Variants in TMC3 observed in about 807,000 individuals in gnomAD.
The protein encoded by TMC3 is transmembrane channel like 3.
TMC3 carries 98 observed loss-of-function variants against 110.6 expected under a neutral mutation model. The ratio of observed to expected loss-of-function variants is 0.89; its 90% CI spans 0.75 to 1.05. The LOEUF (loss-of-function observed/expected upper bound fraction) is 1.05. TMC3 is among the 50% of genes least tolerant of loss of function. The pLI is 0.00. For synonymous variants in TMC3, 489 were observed against 513.1 expected (o/e 0.95, Z 0.63); for missense variants, 1,319 against 1,373.2 (o/e 0.96, Z 0.62).
At position 81,341,456 on chromosome 15, in the gene TMC3, A is replaced by G. The variant is rs571509993; in HGVS notation, c.1778T>C (p.Met593Thr). ...AFNVLKLIGL[M>T]YLRSWAVLTC... The stretch of plus-strand genomic sequence containing the variant: ...CAGCACAGCCCAGCTTCTCAGGTAC[A>G]TGAGCCCAATGAGTTTGAGAACGTT... The change falls in exon 16 of 22, where the codon ATG (methionine) becomes ACG (threonine). Residue 593 changes from methionine (M) to threonine (T), a missense_variant. Transcript: ENST00000359440. 9.9e-6 allele frequency: 16 copies of G among 1,611,592 alleles called. No individual in the cohort carries two copies. Among genetic ancestry groups the G allele is most frequent in the South Asian group, 6.6e-5 (6 of 90,424 alleles).
chr15:81,372,604 G>T lies in TMC3; in HGVS notation c.223C>A (p.Leu75Met). 1.2e-6 allele frequency: 2 copies of T among 1,613,530 alleles called. No individual in the cohort carries two copies. The highest frequency in any genetic ancestry group is 8.5e-7 in the Non-Finnish European group (1 of 1,179,876). The change falls in exon 2 of 22, where the codon CTG (leucine) becomes ATG (methionine). Residue 75 changes from leucine to methionine, a missense_variant. By Grantham distance (15) the Leu-to-Met change is conservative (BLOSUM62 2). Coordinates refer to ENST00000359440, the MANE Select transcript of TMC3 (RefSeq NM_001080532.3). ...TGAGGCCCTTACCTCAATGCCCTCA[G>T]CTTCTGTCCCATAGTCCAGGGTCTG... ...RCRPWTMGQKLRALRQAKNIV... is the reference protein window; with the variant it reads ...RCRPWTMGQKMRALRQAKNIV...
At chr15:81,366,002 TATC>T (rs1304206873) in intron 3 of TMC3, among the ~76,000 whole-genome samples, 2 of 152,252 alleles carry the variant, frequency 1.3e-5, no homozygotes, top group Non-Finnish European at 2.9e-5. Flanking sequence ...TGTATACATT[TATC>T]ATTATACATG....
Position 81,332,943 on chromosome 15 carries a change from G to A in TMC3, c.2779C>T (p.Gln927Ter), listed in dbSNP as rs1893502499. 6.2e-7 allele frequency: 1 copy of A among 1,612,446 alleles called. No homozygotes were observed. The highest frequency in any genetic ancestry group is 1.3e-5 in the African/African-American group (1 of 74,912). ...IVELYPRNVR[Q>*]YASRVPRQPP... The stretch of plus-strand genomic sequence containing the variant: ...TGGCGGGGGACCCGGGATGCATATT[G>A]TCGCACGTTCCTGGGGTACAGCTCC... Residue 927 changes from glutamine (Q) to a stop codon, truncating the protein, a stop_gained, in exon 22 of 22, where the codon CAA (glutamine) becomes TAA (stop). Transcript: ENST00000359440. LOFTEE classifies it low-confidence loss of function (END_TRUNC).
At chr15:81,362,546 T>G (rs1268945245) in intron 3 of TMC3, among the ~76,000 whole-genome samples, 1 of 152,096 alleles carries the variant, frequency 6.6e-6, no homozygotes, top group East Asian at 1.9e-4. Context: ...AATATGCACC[T>G]CAATACAGAC....
Position 81,373,729 on chromosome 15 carries a change from C to A in TMC3, c.89+260G>T, listed in dbSNP as rs149758700. On this transcript the variant is annotated intron_variant, in intron 1 of 21. Transcript: ENST00000359440. The stretch of plus-strand genomic sequence containing the variant: ...AGGGAAACATATCTGTGGGTTTGGC[C>A]AGCCATAAAGCCAGGTTGGGATGCA... Among the ~76,000 whole-genome samples, 209 of 152,218 alleles carry A rather than the reference C, an allele frequency of 1.4e-3. 4 individuals carry two copies. The East Asian group carries it at 0.03, about 22-fold the overall frequency.
rs1441725534 is a variant in TMC3, at chr15:81,332,611, G to C, written c.3111C>G (p.Ser1037=). 6.2e-7 allele frequency: 1 copy of C among 1,614,004 alleles called. No homozygotes were observed. The highest frequency in any genetic ancestry group is 8.5e-7 in the Non-Finnish European group (1 of 1,179,896). Residue 1037 remains serine, a synonymous_variant, in exon 22 of 22, where the codon TCC becomes TCG. Coordinates refer to ENST00000359440, the MANE Select transcript of TMC3 (RefSeq NM_001080532.3). ...CCGACACGGAGTCAGATTCCGTGAGGGATGGCTCGAACCTGGGCTTCCCTC... is the reference window on the plus strand; with the variant it reads ...CCGACACGGAGTCAGATTCCGTGAGCGATGGCTCGAACCTGGGCTTCCCTC... ...KPRGKPRFEP[S]LTESDSVSAA...
rs376468406 is a variant in TMC3, at chr15:81,332,419, C to T, written c.3303G>A (p.Ter1101=). The T allele has an allele frequency of 2.5e-6, 4 of 1,597,780 alleles. No homozygotes were observed. Among genetic ancestry groups the T allele is most frequent in the Non-Finnish European group, 3.4e-6 (4 of 1,170,246 alleles). ...CTAGGAACGGGACACTGGAGGAAGC[C>T]TAGACATCTGAACAAATCAAGTCAT... is the stretch of plus-strand genomic sequence containing the variant. ...DLDDLICSDV[*] The change falls in exon 22 of 22, where the codon TAG becomes TAA. Residue 1101 remains the stop codon, a stop_retained_variant. Coordinates refer to ENST00000359440, the MANE Select transcript of TMC3 (RefSeq NM_001080532.3).
At chr15:81,368,919 A>C (rs35157319) in intron 2 of TMC3, among the ~76,000 whole-genome samples, 65,003 of 151,808 alleles carry the variant, frequency 0.43, 15,882 homozygotes, top group African/African-American at 0.66. Flanking sequence ...GACTAAATAT[A>C]ATTGGGATAG....
rs1894138689 is a variant in TMC3, at chr15:81,359,415, T to C, written c.451A>G (p.Ile151Val). 1 of 1,606,292 alleles carries C rather than the reference T, an allele frequency of 6.2e-7. No homozygotes were observed. The highest frequency in any genetic ancestry group is 8.5e-7 in the Non-Finnish European group (1 of 1,177,396). Residue 151 changes from isoleucine to valine, a missense_variant, in exon 5 of 22, where the codon ATT (isoleucine) becomes GTT (valine). Transcript: ENST00000359440. ...YFIFLRWLFG[I>V]NIVLTIMTGA... The stretch of plus-strand genomic sequence containing the variant: ...GTCATAATGGTGAGCACAATATTAA[T>C]TCCAAATAACCATCTCAAGAATATG...
rs201212145 is a variant in TMC3, at chr15:81,358,218, C to T, written c.674G>A (p.Arg225Gln). Residue 225 changes from arginine to glutamine, a missense_variant, in exon 7 of 22, where the codon CGG becomes CAG. Transcript: ENST00000359440. ...RERKIGRAGY[R>Q]LPLAYFLVGM... ...CACTAGGAAATACGCCAAGGGCAGCCGGTAGCCAGCTCTCCCGATCTTCCT... is the reference window on the plus strand; with the variant it reads ...CACTAGGAAATACGCCAAGGGCAGCTGGTAGCCAGCTCTCCCGATCTTCCT... The T allele has an allele frequency of 6.5e-5, 105 of 1,613,296 alleles. No individual in the cohort carries two copies. The highest frequency in any genetic ancestry group is 1.1e-4 in the African/African-American group (8 of 74,896).
Position 81,358,252 on chromosome 15 carries a change from C to T in TMC3, c.640G>A (p.Gly214Ser), listed in dbSNP as rs56715910. Residue 214 changes from glycine to serine, a missense_variant, in exon 7 of 22, where the codon GGC becomes AGC. Gly to Ser is a moderately conservative substitution (Grantham distance 56). Coordinates refer to ENST00000359440, the MANE Select transcript of TMC3 (RefSeq NM_001080532.3). ...QYSVLFYGYY[G>S]RERKIGRAGY... ...GCTCTCCCGATCTTCCTCTCCCTGCCGTAATATCCGTAGAAGAGGACAGAG... is the reference window on the plus strand; with the variant it reads ...GCTCTCCCGATCTTCCTCTCCCTGCTGTAATATCCGTAGAAGAGGACAGAG... The T allele has an allele frequency of 2.4e-3, 3,851 of 1,612,994 alleles. 78 individuals carry two copies. In the African/African-American group the frequency reaches 0.044, roughly 19 times the overall value.
intron 4 of TMC3, among the ~76,000 whole-genome samples, chr15:81,361,012 G>C (rs2141719415): frequency 6.7e-6 from 1 of 150,086 alleles, no homozygotes; most frequent in Non-Finnish European, 1.5e-5. Context: ...TATTACCAAG[G>C]TATACAACAT....
intron 3 of TMC3, among the ~76,000 whole-genome samples, chr15:81,365,670 CAA>C (rs398043535): frequency 0.026 from 2,100 of 82,144 alleles, 80 homozygotes; most frequent in African/African-American, 0.076. Flanking sequence ...GACTCTGTCT[CAA>C]AAAAAAAAAA....
chr15:81,356,446 C>A lies in TMC3; in HGVS notation c.891+1G>T, dbSNP rs1245762140. On this transcript the variant is annotated splice_donor_variant, in intron 8 of 21. Transcript: ENST00000359440. LOFTEE classifies it high-confidence loss of function. ...CAGGCTGCACAGGCTCACTCACTCA[C>A]CCTGATGCTGTTCACTATGGCAGCT... The A allele has an allele frequency of 6.4e-7, 1 of 1,564,786 alleles. No homozygotes were observed. The highest frequency in any genetic ancestry group is 1.4e-5 in the African/African-American group (1 of 73,668).
intron 3 of TMC3, among the ~76,000 whole-genome samples, chr15:81,364,700 C>CAAA (rs71153571): frequency 1.8e-5 from 2 of 110,364 alleles, no homozygotes; most frequent in African/African-American, 6.1e-5. Flanking sequence ...AACATTATTC[C>CAAA]AAAAAAAAAA....
chr15:81,349,004 T>A (rs1164160032), intron 11 of TMC3, among the ~76,000 whole-genome samples: 2 of 152,126 alleles, frequency 1.3e-5, no homozygotes, highest in Non-Finnish European at 1.5e-5. Context: ...AATTTTTTTT[T>A]ATTTTTAGTA....
At position 81,374,100 on chromosome 15, in the gene TMC3, A is replaced by G. The variant is rs777443097; in HGVS notation, c.-23T>C. ...CATGGGAGCTAACCCACTGCTAACA[A>G]TCAGAAGCTGGCCAGAGAGCTAGGA... On this transcript the variant is annotated 5_prime_UTR_variant, in exon 1 of 22. Coordinates refer to ENST00000359440, the MANE Select transcript of TMC3 (RefSeq NM_001080532.3). 1.1e-5 allele frequency: 17 copies of G among 1,608,882 alleles called. No individual in the cohort carries two copies. Among genetic ancestry groups the G allele is most frequent in the African/African-American group, 1.3e-5 (1 of 74,792 alleles).
chr15:81,356,743 C>T (rs1045083216), intron 7 of TMC3, 149 bp from the exon 8 acceptor site: 20 of 839,338 alleles, frequency 2.4e-5, no homozygotes, highest in Admixed American at 1.5e-4. Context: ...AGGAGAGCAC[C>T]GACTGGATTT....
At chr15:81,363,727 G>T (rs148449436) in intron 3 of TMC3, among the ~76,000 whole-genome samples, 1 of 152,128 alleles carries the variant, frequency 6.6e-6, no homozygotes, top group African/African-American at 2.4e-5. Flanking sequence ...TTGGTCTCTC[G>T]CATAATGTTT....
Sources: gnomAD v4.1 joint callset for allele counts (sites outside exome capture counted in the v4.1 genomes callset) on GRCh38, gnomAD v4.1.1 for gene constraint, MANE v1.5 for transcripts, NCBI Gene and HGNC (gene_info 2026-07-23, HGNC 2026-07-21) for gene names.